GABRB1: variants seen among roughly 807,000 people sequenced by gnomAD.
GABRB1 encodes gamma-aminobutyric acid receptor subunit beta-1.
In GABRB1, 17 loss-of-function variants were observed where a neutral mutation model predicts 51.6. The observed-to-expected ratio is 0.33, with a 90% CI of 0.23 to 0.49. GABRB1 has a LOEUF of 0.49. GABRB1 is among the 20% of genes least tolerant of loss of function. The pLI is 0.99. For synonymous variants in GABRB1, 247 were observed against 218.9 expected (o/e 1.13, Z -1.14); for missense variants, 410 against 600.6 (o/e 0.68, Z 3.32).
chr4:47,087,652 A>G (rs559532117), intron 3 of GABRB1, among the ~76,000 whole-genome samples: 10 of 152,104 alleles, frequency 6.6e-5, no homozygotes, highest in African/African-American at 2.2e-4. Context: ...ATCCCACATC[A>G]TCCCCTAATA....
In GABRB1 at chr4:47,265,764, C is replaced by T. The variant is rs144463474; in HGVS notation, c.462-54363C>T. Among the ~76,000 whole-genome samples, 953 of 152,186 alleles carry T rather than the reference C, an allele frequency of 6.3e-3. 7 individuals are homozygous for T. Among genetic ancestry groups the T allele is most frequent in the Admixed American group, 0.011 (164 of 15,276 alleles). ...TCTTTTGAGAAATGTCTGCTCATGT[C>T]CTTTGCTCACTGCCTACGGGGGTCA... On this transcript the variant is annotated intron_variant, in intron 4 of 8. Coordinates refer to ENST00000295454, the MANE Select transcript of GABRB1 (RefSeq NM_000812.4).
chr4:47,005,399 C>CA (rs1473500868), intron 1 of GABRB1, among the ~76,000 whole-genome samples: 3 of 152,076 alleles, frequency 2.0e-5, no homozygotes, highest in Non-Finnish European at 4.4e-5. Context: ...GCATGGGCGA[C>CA]AGAGTGGGAC....
chr4:47,273,864 T>TACACACACAC (rs5858061), intron 4 of GABRB1, among the ~76,000 whole-genome samples: 21 of 122,402 alleles, frequency 1.7e-4, no homozygotes, highest in Admixed American at 9.2e-4. Context: ...CATATATACA[T>TACACACACAC]ACACACACAC....
intron 4 of GABRB1, among the ~76,000 whole-genome samples, chr4:47,267,441 A>T (rs527902225): frequency 6.6e-6 from 1 of 152,260 alleles, no homozygotes; most frequent in Non-Finnish European, 1.5e-5. Context: ...AAAACTAAAA[A>T]ATTTAAATAT....
intron 4 of GABRB1, among the ~76,000 whole-genome samples, chr4:47,317,622 T>G (rs546170913): frequency 7.9e-5 from 12 of 151,978 alleles, no homozygotes; most frequent in Non-Finnish European, 1.8e-4. Flanking sequence ...ATGTAATGCT[T>G]AAATAAATTC....
intron 5 of GABRB1, among the ~76,000 whole-genome samples, chr4:47,333,723 C>T (rs1447527586): frequency 1.3e-5 from 2 of 151,626 alleles, no homozygotes; most frequent in Non-Finnish European, 2.9e-5. Flanking sequence ...CACCCCACCC[C>T]CCCAAAAAAA....
chr4:47,052,078 C>T (rs893642063), intron 3 of GABRB1, among the ~76,000 whole-genome samples: 4 of 151,952 alleles, frequency 2.6e-5, no homozygotes, highest in Middle Eastern at 3.2e-3. Context: ...TGCAGTGAGC[C>T]GAGATTGTGC....
rs370477433 is a variant in GABRB1, at chr4:47,396,488, TG to T, written c.545-6829del. 2.1e-4 allele frequency among the ~76,000 whole-genome samples: 32 copies of T among 152,348 alleles called. No homozygotes were observed. In the East Asian group the frequency reaches 5.4e-3, roughly 26 times the overall value. On this transcript the variant is annotated intron_variant, in intron 5 of 8. Transcript: ENST00000295454. The stretch of plus-strand genomic sequence containing the variant: ...CAGTATTTTAATGAATAATCCTGTA[TG>T]CACATTCTTCACAATTGTGCAATTC...
chr4:47,283,590 G>C (rs978010873), intron 4 of GABRB1, among the ~76,000 whole-genome samples: 1 of 151,058 alleles, frequency 6.6e-6, no homozygotes, highest in African/African-American at 2.4e-5. Flanking sequence ...GGGTTTCACT[G>C]TGTTAGCCAG....
chr4:47,062,455 A>G (rs542519396), intron 3 of GABRB1, among the ~76,000 whole-genome samples: 187 of 150,932 alleles, frequency 1.2e-3, no homozygotes, highest in Non-Finnish European at 2.4e-3. Context: ...ATATATATAT[A>G]TATATTTAAA....
chr4:47,269,791 TAAAG>T (rs1189462864), intron 4 of GABRB1, among the ~76,000 whole-genome samples: 1 of 152,156 alleles, frequency 6.6e-6, no homozygotes, highest in Non-Finnish European at 1.5e-5. Context: ...GTTATACTGA[TAAAG>T]AAGCTGAGAT....
At chr4:47,159,034 T>C (rs1717824221) in intron 3 of GABRB1, among the ~76,000 whole-genome samples, 2 of 151,750 alleles carry the variant, frequency 1.3e-5, no homozygotes, top group Admixed American at 1.3e-4. Flanking sequence ...CCCAGTACTT[T>C]GGGAGGCTGA....
chr4:47,050,964 C>T (rs1040012322), intron 3 of GABRB1, among the ~76,000 whole-genome samples: 1 of 152,078 alleles, frequency 6.6e-6, no homozygotes, highest in Non-Finnish European at 1.5e-5. Flanking sequence ...TGGGCCCACC[C>T]TGGGTTCTGG....
At chr4:47,365,139 C>G (rs1726932293) in intron 5 of GABRB1, among the ~76,000 whole-genome samples, 1 of 152,176 alleles carries the variant, frequency 6.6e-6, no homozygotes, top group Non-Finnish European at 1.5e-5. Flanking sequence ...TTCCACCTCT[C>G]CGGTCCCTGT....
At chr4:47,352,674 T>A (rs1227480696) in intron 5 of GABRB1, among the ~76,000 whole-genome samples, 3 of 152,200 alleles carry the variant, frequency 2.0e-5, no homozygotes, top group African/African-American at 7.2e-5. Flanking sequence ...TAGGATACTG[T>A]TTTATTCTAG....
At chr4:47,320,051 T>C in intron 4 of GABRB1, 76 bp from the exon 5 acceptor site, 1 of 1,002,810 alleles carries the variant, frequency 1.0e-6, no homozygotes, top group South Asian at 1.3e-5. Context: ...GTAAACATGA[T>C]TTGGGGCTAG....
intron 8 of GABRB1, among the ~76,000 whole-genome samples, chr4:47,420,737 C>T (rs1038458765): frequency 6.6e-5 from 10 of 152,030 alleles, no homozygotes; most frequent in Admixed American, 5.9e-4. Context: ...TATAAGAATA[C>T]CTTAGATGCC....
At chr4:47,385,995 C>T (rs977539692) in intron 5 of GABRB1, among the ~76,000 whole-genome samples, 1 of 152,132 alleles carries the variant, frequency 6.6e-6, no homozygotes, top group African/African-American at 2.4e-5. Context: ...GGCATGCCAC[C>T]CTCCCAGCAC....
chr4:47,175,149 C>T (rs931081817), intron 4 of GABRB1, among the ~76,000 whole-genome samples: 49 of 147,760 alleles, frequency 3.3e-4, no homozygotes, highest in Admixed American at 2.8e-4. Flanking sequence ...TCTTTCCTCT[C>T]TCTTTTCTTC....
Sources: allele counts gnomAD v4.1 joint callset (sites outside exome capture counted in the v4.1 genomes callset), GRCh38; gene constraint gnomAD v4.1.1; transcripts MANE v1.5; gene names NCBI Gene and HGNC (gene_info 2026-07-23, HGNC 2026-07-21).